Variants in OLAH observed in about 807,000 individuals in gnomAD.
OLAH encodes S-acyl fatty acid synthase thioesterase, medium chain.
A neutral mutation model predicts 27.8 loss-of-function variants in OLAH; 33 were observed. The ratio of observed to expected loss-of-function variants is 1.19; its 90% CI spans 0.90 to 1.59. The LOEUF is 1.59. OLAH is among the 40% of genes most tolerant of loss of function. The pLI, the probability that OLAH is intolerant of heterozygous loss-of-function variation, is 0.00. For missense variants in OLAH, 359 were observed against 310.8 expected, an observed-to-expected ratio of 1.16 and a Z score of -1.17; for synonymous variants, 120 against 102.9, an observed-to-expected ratio of 1.17 and a Z score of -1.01.
chr10:15,057,384 C>T (rs1483444598), intron 3 of OLAH, among the ~76,000 whole-genome samples: 3 of 135,504 alleles, frequency 2.2e-5, no homozygotes, highest in Non-Finnish European at 3.1e-5. Context: ...GTATGTGGGT[C>T]TATTTCTGGG....
At chr10:15,072,154 G>C (rs191756986) in intron 7 of OLAH, among the ~76,000 whole-genome samples, 1 of 152,046 alleles carries the variant, frequency 6.6e-6, no homozygotes, top group Non-Finnish European at 1.5e-5. Context: ...GGCTGGCCTC[G>C]AACTCCTGAC....
At chr10:15,049,934 T>A (rs564165149) in intron 3 of OLAH, among the ~76,000 whole-genome samples, 169 bp downstream of exon 3, 341 of 152,326 alleles carry the variant, frequency 2.2e-3, no homozygotes, top group Non-Finnish European at 4.3e-3. Flanking sequence ...AACTTTCTCT[T>A]TACTTTGTTT....
In OLAH at chr10:15,048,578, C is replaced by T. The variant is rs188667695; in HGVS notation, c.33-1057C>T. Among the ~76,000 whole-genome samples the T allele has an allele frequency of 1.7e-3, 266 of 152,280 alleles. 1 individual carries two copies. The highest frequency in any genetic ancestry group is 1.8e-3 in the Non-Finnish European group (121 of 68,030). Reference sequence around the variant, plus strand: ...TTCAGAAGGAAGTCAAAATTATATGCTCTATAAAACTTACATATAACTTGA... The same window carrying T: ...TTCAGAAGGAAGTCAAAATTATATGTTCTATAAAACTTACATATAACTTGA... On this transcript the variant is annotated intron_variant, in intron 2 of 7. Transcript: ENST00000378228.
intron 2 of OLAH, among the ~76,000 whole-genome samples, chr10:15,049,135 C>CAA (rs1245857554): frequency 1.3e-5 from 1 of 77,688 alleles, no homozygotes; most frequent in Non-Finnish European, 2.5e-5. Flanking sequence ...ACTATGTCTC[C>CAA]AAAAAAAAAA....
chr10:15,034,768 A>G (rs541041397), intron 1 of OLAH, among the ~76,000 whole-genome samples: 2 of 151,226 alleles, frequency 1.3e-5, no homozygotes, highest in African/African-American at 4.9e-5. Context: ...ATAAGACTGT[A>G]CTGCAGACAG....
upstream of OLAH, among the ~76,000 whole-genome samples, chr10:15,042,854 T>C (rs1016159887): frequency 3.0e-5 from 4 of 131,622 alleles, no homozygotes; most frequent in East Asian, 7.0e-4. Context: ...CGTGTCTTTT[T>C]TTTTTTTTTT....
At position 15,057,856 on chromosome 10, in the gene OLAH, C is replaced by T. The variant is rs56194766; in HGVS notation, c.164-3868C>T. Among the ~76,000 whole-genome samples the T allele has an allele frequency of 7.1e-4, 108 of 151,982 alleles. 1 individual carries two copies. Among genetic ancestry groups the T allele is most frequent in the Non-Finnish European group, 1.3e-3 (87 of 67,960 alleles). ...ATGTGTAGGTCTATTTCTGGATTCT[C>T]TTACTCCACCGATCTATACGTCTAT... On this transcript the variant is annotated intron_variant, in intron 3 of 7. Transcript: ENST00000378228.
At chr10:15,056,653 C>T (rs1844251333) in intron 3 of OLAH, among the ~76,000 whole-genome samples, 1 of 151,296 alleles carries the variant, frequency 6.6e-6, no homozygotes, top group East Asian at 1.9e-4. Flanking sequence ...TTTCTTTTAA[C>T]AGGATCTTGC....
At chr10:15,054,412 C>G (rs137965409) in intron 3 of OLAH, among the ~76,000 whole-genome samples, 62 of 152,282 alleles carry the variant, frequency 4.1e-4, no homozygotes, top group Non-Finnish European at 7.9e-4. Flanking sequence ...GCCTTATGCC[C>G]CTTGGTCAAA....
At chr10:15,052,232 G>A (rs1176700746) in intron 3 of OLAH, among the ~76,000 whole-genome samples, 3 of 152,116 alleles carry the variant, frequency 2.0e-5, no homozygotes, top group Admixed American at 6.6e-5. Context: ...GCTGCGAGCC[G>A]AGATCATGCC....
chr10:15,057,369 C>T (rs1844266142), intron 3 of OLAH, among the ~76,000 whole-genome samples: 1 of 148,260 alleles, frequency 6.7e-6, no homozygotes, highest in Non-Finnish European at 1.5e-5. Flanking sequence ...ATTGAGTTTT[C>T]ACATGTATGT....
rs570397053 is a variant in OLAH at position 15,049,277 on chromosome 10, G to A, written c.33-358G>A. Among the ~76,000 whole-genome samples the A allele has an allele frequency of 2.6e-5, 4 of 152,060 alleles. No individual in the cohort carries two copies. The South Asian group carries it at 8.3e-4, about 32-fold the overall frequency. ...GCCTCCCAAGTAGCTAGGATCATAG[G>A]TGTGTACCACTATGCCAACCTAACT... On this transcript the variant is annotated intron_variant, in intron 2 of 7. Transcript: ENST00000378228.
intron 1 of OLAH, chr10:15,032,444 A>G (rs1451373812): frequency 5.9e-5 from 8 of 134,638 alleles, no homozygotes; most frequent in African/African-American, 2.8e-5. Context: ...ACACCCCATC[A>G]CTACTAAAAA....
upstream of OLAH, among the ~76,000 whole-genome samples, chr10:15,042,666 A>G (rs963409342): frequency 2.6e-5 from 4 of 152,058 alleles, no homozygotes; most frequent in South Asian, 2.1e-4. Flanking sequence ...CACAGTCTCC[A>G]TATCTAAGAA....
Position 15,073,344 on chromosome 10 carries a change from G to A in OLAH, c.*115G>A. ...ATTACACATTTTCTACTGTCAGGGAGATTCGTTACATAAATATATTTACGT... is the reference window on the plus strand; with the variant it reads ...ATTACACATTTTCTACTGTCAGGGAAATTCGTTACATAAATATATTTACGT... On this transcript the variant is annotated 3_prime_UTR_variant, in exon 8 of 8. Coordinates refer to ENST00000378228, the MANE Select transcript of OLAH (RefSeq NM_001039702.3). 1.4e-6 allele frequency: 1 copy of A among 696,952 alleles called. No homozygotes were observed. Among genetic ancestry groups the A allele is most frequent in the South Asian group, 2.0e-5 (1 of 49,958 alleles). The allele number at this position is 696,952 out of a possible 1,614,324, so 43.2% of individuals were successfully genotyped here.
intron 3 of OLAH, among the ~76,000 whole-genome samples, chr10:15,054,712 T>A (rs1458758004): frequency 1.3e-5 from 2 of 152,300 alleles, no homozygotes; most frequent in East Asian, 3.9e-4. Context: ...GTACTCCATA[T>A]CTAATTCAAT....
intron 1 of OLAH, among the ~76,000 whole-genome samples, chr10:15,046,491 G>A (rs1844020428): frequency 1.3e-5 from 2 of 151,230 alleles, no homozygotes; most frequent in African/African-American, 2.4e-5. Context: ...TTTTTGAGAT[G>A]GAGTCTCACT....
At chr10:15,033,388 C>A (rs980598848) in intron 1 of OLAH, among the ~76,000 whole-genome samples, 7 of 151,652 alleles carry the variant, frequency 4.6e-5, no homozygotes, top group Admixed American at 1.3e-4. Flanking sequence ...CCTTTCTTAT[C>A]ATTATTTACA....
chr10:15,060,276 T>G (rs1290318465), intron 3 of OLAH, among the ~76,000 whole-genome samples: 2 of 152,146 alleles, frequency 1.3e-5, no homozygotes, highest in Non-Finnish European at 2.9e-5. Flanking sequence ...CTCAAGTGAT[T>G]TTCCTGCTTC....
Sources: gnomAD v4.1 joint callset for allele counts (sites outside exome capture counted in the v4.1 genomes callset) on GRCh38, gnomAD v4.1.1 for gene constraint, MANE v1.5 for transcripts, NCBI Gene and HGNC (gene_info 2026-07-23, HGNC 2026-07-21) for gene names.